Variants in ZMAT4 observed in about 807,000 individuals in gnomAD.
ZMAT4 encodes the protein zinc finger matrin-type protein 4.
In ZMAT4, 17 loss-of-function variants were observed where a neutral mutation model predicts 28.7. That is an observed-to-expected ratio of 0.59 (90% CI 0.41 to 0.89). The LOEUF is 0.89. ZMAT4 is among the 40% of genes least tolerant of loss of function. The pLI is 0.00. For missense variants in ZMAT4, 240 were observed against 283.8 expected (o/e 0.85, Z 1.11); for synonymous variants, 117 against 109.2 (o/e 1.07, Z -0.44).
rs565718338 is a variant in ZMAT4, at chr8:40,597,203, G to A, written c.578-15942C>T. Among the ~76,000 whole-genome samples the A allele has an allele frequency of 2.0e-5, 3 of 152,308 alleles. No homozygotes were observed. The South Asian group carries it at 6.2e-4, about 32-fold the overall frequency. On this transcript the variant is annotated intron_variant, in intron 5 of 6. Coordinates refer to ENST00000297737, the MANE Select transcript of ZMAT4 (RefSeq NM_024645.3). ...AACTACTATGAATAAGGAGAATTTA[G>A]TGCATGTATACACTCAATACGAAAG... is the stretch of plus-strand genomic sequence containing the variant.
At chr8:40,610,871 C>T (rs1194649601) in intron 5 of ZMAT4, among the ~76,000 whole-genome samples, 1 of 150,110 alleles carries the variant, frequency 6.7e-6, no homozygotes, top group Admixed American at 6.6e-5. Context: ...ATATGTGAAA[C>T]CTGGGGTAGT....
At chr8:40,880,122 C>G (rs965737179) in intron 1 of ZMAT4, among the ~76,000 whole-genome samples, 4 of 152,306 alleles carry the variant, frequency 2.6e-5, no homozygotes, top group African/African-American at 9.6e-5. Context: ...AATCCCAGCA[C>G]TTTGGAAGGC....
At chr8:40,581,043 G>A (rs1473128334) in intron 6 of ZMAT4, 122 bp downstream of exon 6, 2 of 726,754 alleles carry the variant, frequency 2.8e-6, no homozygotes, top group Non-Finnish European at 4.5e-6. Flanking sequence ...TGTGAACTTT[G>A]AAGCAAAAGA....
intron 1 of ZMAT4, among the ~76,000 whole-genome samples, chr8:40,895,988 T>C (rs1053333937): frequency 2.0e-5 from 3 of 152,108 alleles, no homozygotes; most frequent in Admixed American, 1.3e-4. Flanking sequence ...AAGATTATAA[T>C]TGGCAGGGCT....
chr8:40,886,697 ACATCC>A (rs1213450101), intron 1 of ZMAT4, among the ~76,000 whole-genome samples: 1 of 152,168 alleles, frequency 6.6e-6, no homozygotes, highest in Non-Finnish European at 1.5e-5. Context: ...GAATTTCTGA[ACATCC>A]CTCCTGGGTT....
chr8:40,881,433 G>GAAAGAA (rs1388374068), intron 1 of ZMAT4, among the ~76,000 whole-genome samples: 22 of 70,316 alleles, frequency 3.1e-4, no homozygotes, highest in East Asian at 1.4e-3. Flanking sequence ...AGAAGAAAGA[G>GAAAGAA]AGAAAGAAAG....
At chr8:40,580,897 A>ACTT (rs1563349505) in intron 6 of ZMAT4, among the ~76,000 whole-genome samples, 1 of 152,202 alleles carries the variant, frequency 6.6e-6, no homozygotes, top group Non-Finnish European at 1.5e-5. Flanking sequence ...ATTTTAAAAC[A>ACTT]CTTAGCATAG....
intron 4 of ZMAT4, among the ~76,000 whole-genome samples, chr8:40,691,661 T>G (rs1809671693): frequency 6.6e-6 from 1 of 152,232 alleles, no homozygotes; most frequent in African/African-American, 2.4e-5. Flanking sequence ...TACACTTGTA[T>G]GTATTTACAT....
intron 1 of ZMAT4, among the ~76,000 whole-genome samples, chr8:40,863,809 T>C (rs1817584081): frequency 6.6e-6 from 1 of 152,240 alleles, no homozygotes; most frequent in African/African-American, 2.4e-5. Context: ...AAAATCATTA[T>C]GTCAGAAACC....
At chr8:40,594,803 T>A (rs1805033842) in intron 5 of ZMAT4, among the ~76,000 whole-genome samples, 1 of 152,254 alleles carries the variant, frequency 6.6e-6, no homozygotes. Context: ...CTACAGATGC[T>A]ATTTATACCC....
chr8:40,800,819 TA>T (rs1221840188), intron 2 of ZMAT4, among the ~76,000 whole-genome samples: 1 of 151,854 alleles, frequency 6.6e-6, no homozygotes, highest in African/African-American at 2.4e-5. Context: ...ATCAATCACA[TA>T]AGGTTTTAAC....
chr8:40,767,274 A>T (rs763878732), intron 3 of ZMAT4, among the ~76,000 whole-genome samples: 3 of 152,198 alleles, frequency 2.0e-5, no homozygotes, highest in Non-Finnish European at 4.4e-5. Context: ...AGTATGTAGA[A>T]AGTGAAGTAT....
intron 6 of ZMAT4, among the ~76,000 whole-genome samples, chr8:40,538,556 T>G (rs1802921801): frequency 6.6e-6 from 1 of 152,090 alleles, no homozygotes; most frequent in Admixed American, 6.5e-5. Context: ...TTTACAGAGT[T>G]TAACTCTTTT....
intron 3 of ZMAT4, among the ~76,000 whole-genome samples, chr8:40,704,501 T>A (rs1033692198): frequency 2.1e-4 from 32 of 152,228 alleles, no homozygotes; most frequent in Non-Finnish European, 4.3e-4. Context: ...GTCCTTAACA[T>A]CCTTGCCATA....
At chr8:40,601,487 A>AAGAAAGAAAGAAAGAAAGAG (rs1805325558) in intron 5 of ZMAT4, among the ~76,000 whole-genome samples, 1 of 146,684 alleles carries the variant, frequency 6.8e-6, no homozygotes, top group African/African-American at 2.5e-5. Context: ...GAAAGAAAGA[A>AAGAAAGAAAGAAAGAAAGAG]AGAAAGAGAG....
chr8:40,865,068 C>A (rs1586188493), intron 1 of ZMAT4, among the ~76,000 whole-genome samples: 1 of 152,268 alleles, frequency 6.6e-6, no homozygotes, highest in East Asian at 1.9e-4. Context: ...TTAAATCTTA[C>A]TGGCAAATTT....
intron 6 of ZMAT4, among the ~76,000 whole-genome samples, chr8:40,545,676 G>C (rs1427783272): frequency 1.3e-5 from 2 of 152,118 alleles, no homozygotes; most frequent in East Asian, 3.9e-4. Flanking sequence ...TCAGGAGAAA[G>C]GCCTCAACAG....
At chr8:40,636,181 T>C (rs965553167) in intron 5 of ZMAT4, among the ~76,000 whole-genome samples, 2 of 152,234 alleles carry the variant, frequency 1.3e-5, no homozygotes, top group African/African-American at 2.4e-5. Flanking sequence ...GTCTTAGAAA[T>C]GTGAGATTGC....
intron 5 of ZMAT4, among the ~76,000 whole-genome samples, chr8:40,651,567 G>GA (rs1213452252): frequency 2.1e-5 from 3 of 142,632 alleles, no homozygotes; most frequent in Admixed American, 7.0e-5. Context: ...CACAGAATTG[G>GA]AAAAAACTAC....
Sources: allele counts gnomAD v4.1 joint callset (sites outside exome capture counted in the v4.1 genomes callset), GRCh38; gene constraint gnomAD v4.1.1; transcripts MANE v1.5; gene names NCBI Gene and HGNC (gene_info 2026-07-23, HGNC 2026-07-21).